WWOX: variants seen among roughly 807,000 people sequenced by gnomAD.
WWOX encodes the protein WW domain-containing oxidoreductase.
Under a neutral mutation model 46.2 loss-of-function variants are expected in WWOX, and 69 were observed. The observed-to-expected ratio is 1.49, with a 90% confidence interval of 1.23 to 1.82. The LOEUF (loss-of-function observed/expected upper bound fraction) is 1.82, where lower values mean the gene tolerates loss of function less well. Ranked by LOEUF, WWOX falls within the 40% of genes most tolerant of loss-of-function variation. The pLI is 0.00. For synonymous variants in WWOX, 359 were observed against 202.6 expected (o/e 1.77, Z -6.56); for missense variants, 919 against 542.6 (o/e 1.69, Z -6.89).
At chr16:78,275,375 C>A (rs1445767428) in intron 5 of WWOX, among the ~76,000 whole-genome samples, 1 of 152,176 alleles carries the variant, frequency 6.6e-6, no homozygotes, top group Non-Finnish European at 1.5e-5. Context: ...TTGTGCCCAC[C>A]GGGTCAGCTC....
intron 8 of WWOX, among the ~76,000 whole-genome samples, chr16:78,720,358 T>G (rs998565020): frequency 6.6e-6 from 1 of 152,208 alleles, no homozygotes; most frequent in African/African-American, 2.4e-5. Context: ...TATTTTTCTT[T>G]CTTTTCACAA....
chr16:78,983,217 A>G (rs1224634144), intron 8 of WWOX, among the ~76,000 whole-genome samples: 1 of 152,206 alleles, frequency 6.6e-6, no homozygotes, highest in African/African-American at 2.4e-5. Context: ...TAGACCACGG[A>G]CACTCAAATT....
chr16:78,882,841 A>G (rs74932201), intron 8 of WWOX, among the ~76,000 whole-genome samples: 5 of 151,550 alleles, frequency 3.3e-5, no homozygotes, highest in African/African-American at 1.2e-4. Context: ...AAAAAAAAAA[A>G]GGGCATTAAT....
intron 5 of WWOX, among the ~76,000 whole-genome samples, chr16:78,327,836 A>G (rs1158831757): frequency 1.3e-5 from 2 of 150,774 alleles, no homozygotes; most frequent in African/African-American, 4.9e-5. Flanking sequence ...GGAAAGCAAG[A>G]CATTAGGAAT....
At chr16:79,026,046 C>T (rs892784076) in intron 8 of WWOX, among the ~76,000 whole-genome samples, 1 of 151,604 alleles carries the variant, frequency 6.6e-6, no homozygotes, top group Non-Finnish European at 1.5e-5. Flanking sequence ...GGCGATCTGC[C>T]TGTCTTGGCC....
At chr16:78,746,286 C>T (rs1021614048) in intron 8 of WWOX, among the ~76,000 whole-genome samples, 1 of 152,126 alleles carries the variant, frequency 6.6e-6, no homozygotes, top group Non-Finnish European at 1.5e-5. Context: ...TTGCTTGAGG[C>T]CAGGTGTTCA....
At chr16:79,153,708 C>G (rs1490104937) in intron 8 of WWOX, among the ~76,000 whole-genome samples, 6 of 152,116 alleles carry the variant, frequency 3.9e-5, no homozygotes, top group Non-Finnish European at 5.9e-5. Context: ...CCTCCCAGTA[C>G]CATTTAAAGG....
At chr16:78,774,496 T>TG (rs2050139676) in intron 8 of WWOX, among the ~76,000 whole-genome samples, 12 of 149,522 alleles carry the variant, frequency 8.0e-5, no homozygotes, top group South Asian at 6.5e-4. Flanking sequence ...CAGACCCATT[T>TG]TGTGTGTGTG....
chr16:78,327,984 C>T (rs906536305), intron 5 of WWOX, among the ~76,000 whole-genome samples: 10 of 151,410 alleles, frequency 6.6e-5, no homozygotes, highest in East Asian at 1.9e-4. Context: ...TCAAGCCAGC[C>T]GCCCATCTCA....
intron 8 of WWOX, among the ~76,000 whole-genome samples, chr16:78,840,256 C>T (rs1292719230): frequency 2.0e-5 from 3 of 152,178 alleles, no homozygotes; most frequent in African/African-American, 4.8e-5. Flanking sequence ...CTCTGTGACA[C>T]TGAGCAAAAT....
intron 4 of WWOX, chr16:78,118,870 G>C (rs11649531): frequency 0.67 from 100,688 of 151,112 alleles, 33,404 homozygotes; most frequent in East Asian, 0.77. Context: ...TGAAACCCCC[G>C]CCTTTTTTTT....
chr16:78,966,224 G>A (rs1246612611), intron 8 of WWOX, among the ~76,000 whole-genome samples: 1 of 152,154 alleles, frequency 6.6e-6, no homozygotes, highest in East Asian at 1.9e-4. Flanking sequence ...GTTTTCTAAA[G>A]GCACTGGTTT....
intron 8 of WWOX, among the ~76,000 whole-genome samples, chr16:78,874,119 G>A (rs1371927200): frequency 6.6e-6 from 1 of 151,958 alleles, no homozygotes; most frequent in Non-Finnish European, 1.5e-5. Flanking sequence ...AGCTGGGCAT[G>A]GTGGCACACG....
chr16:78,582,760 G>A (rs998298965), intron 8 of WWOX, among the ~76,000 whole-genome samples: 1 of 152,126 alleles, frequency 6.6e-6, no homozygotes, highest in Non-Finnish European at 1.5e-5. Flanking sequence ...GCCAAACTGT[G>A]GCTCCCAGCT....
At chr16:78,985,594 C>T (rs1332791433) in intron 8 of WWOX, among the ~76,000 whole-genome samples, 1 of 152,172 alleles carries the variant, frequency 6.6e-6, no homozygotes, top group Non-Finnish European at 1.5e-5. Flanking sequence ...CATGGTGAAA[C>T]CCAGTCTCTA....
At chr16:78,220,511 A>G (rs1008032335) in intron 5 of WWOX, among the ~76,000 whole-genome samples, 6 of 152,150 alleles carry the variant, frequency 3.9e-5, no homozygotes, top group Non-Finnish European at 8.8e-5. Context: ...TTTTCTGATC[A>G]TAACTTGAAA....
chr16:78,605,062 T>C (rs1399379996), intron 8 of WWOX, among the ~76,000 whole-genome samples: 1 of 147,750 alleles, frequency 6.8e-6, no homozygotes, highest in Non-Finnish European at 1.5e-5. Flanking sequence ...TAAATGCTGA[T>C]TTTGTTTTCT....
chr16:78,185,883 C>A (rs1041072738), intron 5 of WWOX, among the ~76,000 whole-genome samples: 1 of 152,112 alleles, frequency 6.6e-6, no homozygotes, highest in African/African-American at 2.4e-5. Flanking sequence ...CCAGGCTGGT[C>A]TTGAACTCTT....
rs1597106511 is a variant in WWOX, at chr16:78,365,323, T to C, written c.517-21537T>C. Among the ~76,000 whole-genome samples the C allele has an allele frequency of 2.6e-5, 4 of 152,316 alleles. 1 individual carries two copies. The East Asian group carries it at 7.7e-4, about 29-fold the overall frequency. ...AATGCCGTGAGCCAGCTGTTGGTTA[T>C]GTTTTTGTTTTGTTTTTCTTTTTTA... On this transcript the variant is annotated intron_variant, in intron 5 of 8. Coordinates refer to ENST00000566780, the MANE Select transcript of WWOX (RefSeq NM_016373.4).
Sources: gnomAD v4.1 joint callset for allele counts (sites outside exome capture counted in the v4.1 genomes callset) on GRCh38, gnomAD v4.1.1 for gene constraint, MANE v1.5 for transcripts, NCBI Gene and HGNC (gene_info 2026-07-23, HGNC 2026-07-21) for gene names.